ABCC3: variants seen among roughly 807,000 people sequenced by gnomAD.
ABCC3 encodes the protein ATP binding cassette subfamily C member 3.
In ABCC3, 121 loss-of-function variants were observed where a neutral mutation model predicts 165.3. The observed-to-expected ratio is 0.73, with a 90% CI of 0.63 to 0.85. The LOEUF (loss-of-function observed/expected upper bound fraction) is 0.85, where lower values mean the gene tolerates loss of function less well. Among genes scored for constraint, ABCC3 ranks in the 40% least tolerant of loss-of-function variants. The probability of loss-of-function intolerance (pLI) is 0.00; values close to 1 mark genes in which losing one functional copy is unlikely to be tolerated. For synonymous variants in ABCC3, 733 were observed against 810.1 expected (o/e 0.90, Z 1.62); for missense variants, 1,869 against 1,964.1 (o/e 0.95, Z 0.92).
intron 1 of ABCC3, among the ~76,000 whole-genome samples, chr17:50,648,972 C>T (rs1302020813): frequency 6.6e-6 from 1 of 151,870 alleles, no homozygotes; most frequent in Non-Finnish European, 1.5e-5. Context: ...ATTAGCTGGG[C>T]ATTGTGACAC....
Position 50,664,125 on chromosome 17 carries a change from C to A in ABCC3, c.1338+14C>A, listed in dbSNP as rs1201250690. 5.6e-6 allele frequency: 9 copies of A among 1,613,480 alleles called. No individual in the cohort carries two copies. The highest frequency in any genetic ancestry group is 1.6e-4 in the Middle Eastern group (1 of 6,062). On this transcript the variant is annotated intron_variant, in intron 10 of 30. Coordinates refer to ENST00000285238, the MANE Select transcript of ABCC3 (RefSeq NM_003786.4). The stretch of plus-strand genomic sequence containing the variant: ...TTCCTCTGGCAGGTGACTCTCCAAC[C>A]CTGACCTCTGCCTCCTTCCTCTGAC...
rs903248542 is a variant in ABCC3, at chr17:50,676,335, G to A, written c.3125G>A (p.Arg1042His). 6 of 1,614,006 alleles carry A rather than the reference G, an allele frequency of 3.7e-6. No homozygotes were observed. Among genetic ancestry groups the A allele is most frequent in the African/African-American group, 1.3e-5 (1 of 74,894 alleles). The change falls in exon 23 of 31, where the codon CGT becomes CAT. Residue 1042 changes from arginine (R) to histidine (H), a missense_variant. Arg to His is a conservative substitution (Grantham distance 29). Transcript: ENST00000285238. Reference protein sequence around the residue: ...AMAAGGIQAARVLHQALLHNK... With the variant: ...AMAAGGIQAAHVLHQALLHNK... Reference sequence around the variant, plus strand: ...GCAGCGGGTGGCATCCAGGCTGCCCGTGTGTTGCACCAGGCACTGCTGCAC... The same window carrying A: ...GCAGCGGGTGGCATCCAGGCTGCCCATGTGTTGCACCAGGCACTGCTGCAC...
At chr17:50,664,326 G>A (rs2146616076) in intron 10 of ABCC3, 2 of 600,824 alleles carry the variant, frequency 3.3e-6, no homozygotes, top group African/African-American at 1.9e-5. Flanking sequence ...GGGCAACATA[G>A]CAAGACCTTG....
intron 2 of ABCC3, 133 bp from the exon 3 acceptor site, chr17:50,656,569 C>A: frequency 7.9e-7 from 1 of 1,266,084 alleles, no homozygotes; most frequent in East Asian, 2.5e-5. Context: ...CTGGTCAGCT[C>A]CATTCCCAGA....
intron 6 of ABCC3, 138 bp from the exon 7 acceptor site, chr17:50,659,099 C>T (rs972214080): frequency 7.0e-5 from 71 of 1,021,470 alleles, no homozygotes; most frequent in Non-Finnish European, 9.6e-5. Context: ...ATGAAGGAGA[C>T]ACCTTTCATG....
intron 1 of ABCC3, among the ~76,000 whole-genome samples, chr17:50,636,394 T>C (rs1057444077): frequency 2.0e-5 from 3 of 151,976 alleles, no homozygotes; most frequent in Non-Finnish European, 4.4e-5. Flanking sequence ...TAAAAAGGCA[T>C]ATTTGGGATT....
At chr17:50,689,477 G>A (rs1163909438) in intron 30 of ABCC3, among the ~76,000 whole-genome samples, 1 of 152,222 alleles carries the variant, frequency 6.6e-6, no homozygotes, top group Non-Finnish European at 1.5e-5. Flanking sequence ...AAACTAGAGG[G>A]GAGGAGGAGG....
At chr17:50,668,147 C>T in intron 13 of ABCC3, 138 bp downstream of exon 13, 1 of 824,480 alleles carries the variant, frequency 1.2e-6, no homozygotes, top group East Asian at 2.6e-5. Flanking sequence ...AAGAGCTATT[C>T]AAGGTTGAAT....
At chr17:50,676,155 C>T (rs371536749) in intron 22 of ABCC3, 65 bp downstream of exon 22, 11 of 1,599,034 alleles carry the variant, frequency 6.9e-6, no homozygotes, top group African/African-American at 4.0e-5. Flanking sequence ...GCCAGGCCCC[C>T]CAAACCGTGC....
rs760610436 is a variant in ABCC3 at position 50,673,033 on chromosome 17, T to C, written c.2304T>C (p.Asp768=). The change falls in exon 18 of 31, where the codon GAT becomes GAC. Residue 768 remains aspartate, a synonymous_variant. Transcript: ENST00000285238. ...GTCTGGCTCGAGCTGTTTACAGTGATGCCGATATTTTCTTGCTGGATGACC... is the reference window on the plus strand; with the variant it reads ...GTCTGGCTCGAGCTGTTTACAGTGACGCCGATATTTTCTTGCTGGATGACC... ...RVSLARAVYS[D]ADIFLLDDPL... The C allele has an allele frequency of 6.2e-7, 1 of 1,614,180 alleles. No individual in the cohort carries two copies. Among genetic ancestry groups the C allele is most frequent in the South Asian group, 1.1e-5 (1 of 91,078 alleles).
Position 50,655,937 on chromosome 17 carries a change from T to G in ABCC3, c.151T>G (p.Cys51Gly). 1 of 1,614,074 alleles carries G rather than the reference T, an allele frequency of 6.2e-7. No homozygotes were observed. Among genetic ancestry groups the G allele is most frequent in the South Asian group, 1.1e-5 (1 of 91,080 alleles). ...PCIYLWVALP[C>G]YLLYLRHHCR... ...CATCTACCTGTGGGTCGCCCTGCCC[T>G]GCTACTTGCTCTACCTGCGGCACCA... The change falls in exon 2 of 31, where the codon TGC becomes GGC. Residue 51 changes from cysteine (C) to glycine (G), a missense_variant. Cys to Gly is a radical substitution (Grantham distance 159). Coordinates refer to ENST00000285238, the MANE Select transcript of ABCC3 (RefSeq NM_003786.4).
chr17:50,658,555 G>C (rs1463608128), intron 6 of ABCC3, 59 bp downstream of exon 6: 1 of 1,556,186 alleles, frequency 6.4e-7, no homozygotes, highest in Admixed American at 1.7e-5. Flanking sequence ...AGGTGAGATG[G>C]AGAAAGGGGA....
chr17:50,665,130 T>C lies in ABCC3; in HGVS notation c.1339-23T>C, dbSNP rs1967491810. On this transcript the variant is annotated intron_variant, in intron 10 of 30. Transcript: ENST00000285238. ...TTTGGTAATCTGTCCCTATGTGTCA[T>C]CTATCCACCGGTGCCTCCTCAGAAC... 4.4e-6 allele frequency: 7 copies of C among 1,608,536 alleles called. No individual in the cohort carries two copies. In the East Asian group the frequency reaches 1.6e-4, roughly 36 times the overall value.
chr17:50,691,006 G>A, intron 30 of ABCC3, 86 bp from the exon 31 acceptor site: 10 of 1,060,020 alleles, frequency 9.4e-6, no homozygotes, highest in Non-Finnish European at 1.4e-5. Flanking sequence ...CTGTGGGCCT[G>A]AGCAAGTACC....
In ABCC3 at chr17:50,691,363, T is replaced by A; in HGVS notation, c.*163T>A. On this transcript the variant is annotated 3_prime_UTR_variant, in exon 31 of 31. Transcript: ENST00000285238. ...GGGTAACTGTGCTGAATGCTTTAGA[T>A]GAGGAAATGATCCCCAAGTGGTGAA... The A allele has an allele frequency of 1.7e-6, 1 of 586,220 alleles. No individual in the cohort carries two copies. The highest frequency in any genetic ancestry group is 3.1e-6 in the Non-Finnish European group (1 of 321,914). 36.3% of individuals were successfully genotyped at this position (586,220 alleles called of 1,614,324 possible).
At chr17:50,650,929 G>A (rs1487506892) in intron 1 of ABCC3, among the ~76,000 whole-genome samples, 2 of 151,988 alleles carry the variant, frequency 1.3e-5, no homozygotes, top group Non-Finnish European at 2.9e-5. Context: ...GCTGGGCGTG[G>A]TGGCGGGCAC....
chr17:50,674,941 AG>A (rs1308935149), intron 19 of ABCC3, among the ~76,000 whole-genome samples: 1 of 151,890 alleles, frequency 6.6e-6, no homozygotes, highest in Non-Finnish European at 1.5e-5. Flanking sequence ...CCAGGATTAT[AG>A]GTGCCCGCCA....
intron 28 of ABCC3, 43 bp from the exon 29 acceptor site, chr17:50,684,666 A>T: frequency 6.3e-7 from 1 of 1,586,096 alleles, no homozygotes; most frequent in Non-Finnish European, 8.6e-7. Context: ...GGCTCCTCAT[A>T]GGGCCTAAGC....
rs550042619 is a variant in ABCC3, at chr17:50,682,546, G to A, written c.3808-1064G>A. On this transcript the variant is annotated intron_variant, in intron 26 of 30. Coordinates refer to ENST00000285238, the MANE Select transcript of ABCC3 (RefSeq NM_003786.4). ...CCAGAACACACCTAGAGCCATTTATGCCTGCTGTTCCCTCTGCCTGGCATG... is the reference window on the plus strand; with the variant it reads ...CCAGAACACACCTAGAGCCATTTATACCTGCTGTTCCCTCTGCCTGGCATG... 2.6e-5 allele frequency among the ~76,000 whole-genome samples: 4 copies of A among 151,894 alleles called. No individual in the cohort carries two copies. In the South Asian group the frequency reaches 6.2e-4, roughly 24 times the overall value.
Sources: allele counts gnomAD v4.1 joint callset (sites outside exome capture counted in the v4.1 genomes callset), GRCh38; gene constraint gnomAD v4.1.1; transcripts MANE v1.5; gene names NCBI Gene and HGNC (gene_info 2026-07-23, HGNC 2026-07-21).